Variants in DAB1 observed in about 807,000 individuals in gnomAD.
DAB1 encodes disabled homolog 1.
In DAB1, 15 loss-of-function variants were observed where a neutral mutation model predicts 64.6. The observed-to-expected ratio is 0.23, with a 90% CI of 0.16 to 0.36. The LOEUF is 0.36. DAB1 is among the 10% of genes least tolerant of loss of function. The pLI is 1.00. For synonymous variants in DAB1, 235 were observed against 251.9 expected, an observed-to-expected ratio of 0.93 and a Z score of 0.64; for missense variants, 596 against 706.7, an observed-to-expected ratio of 0.84 and a Z score of 1.78.
At chr1:57,164,604 C>T (rs1001101069) in intron 2 of DAB1, among the ~76,000 whole-genome samples, 6 of 152,114 alleles carry the variant, frequency 3.9e-5, no homozygotes, top group Non-Finnish European at 7.3e-5. Flanking sequence ...TGACCAGCAT[C>T]GTAACATGTA....
At chr1:58,317,202 A>G (rs1459078168) in intron 4 of DAB1, among the ~76,000 whole-genome samples, 1 of 152,228 alleles carries the variant, frequency 6.6e-6, no homozygotes, top group Admixed American at 6.5e-5. Flanking sequence ...TCCTCTGCCA[A>G]GAAGCCTTCC....
intron 14 of DAB1, among the ~76,000 whole-genome samples, chr1:57,002,544 G>C (rs1450544189): frequency 6.6e-6 from 1 of 152,234 alleles, no homozygotes; most frequent in Non-Finnish European, 1.5e-5. Flanking sequence ...AAGAAGAACA[G>C]AGCAAGGCTG....
chr1:57,001,670 ACT>A (rs576310365), intron 14 of DAB1, among the ~76,000 whole-genome samples: 36 of 151,586 alleles, frequency 2.4e-4, no homozygotes, highest in Admixed American at 1.8e-3. Context: ...TCCTACTGCC[ACT>A]CTCTCTCCTA....
intron 1 of DAB1, among the ~76,000 whole-genome samples, chr1:58,546,323 G>A (rs1234469808): frequency 2.0e-5 from 3 of 152,216 alleles, no homozygotes; most frequent in Non-Finnish European, 4.4e-5. Flanking sequence ...CCCCGCGGGT[G>A]AGAAACCCTG....
At chr1:58,299,532 A>G (rs1662072142) in intron 4 of DAB1, among the ~76,000 whole-genome samples, 1 of 152,230 alleles carries the variant, frequency 6.6e-6, no homozygotes, top group African/African-American at 2.4e-5. Flanking sequence ...AAATGAATAC[A>G]CATAATGCAT....
chr1:58,290,759 G>A (rs1207261181), intron 4 of DAB1, among the ~76,000 whole-genome samples: 1 of 152,074 alleles, frequency 6.6e-6, no homozygotes, highest in Non-Finnish European at 1.5e-5. Flanking sequence ...AAATAAAGGG[G>A]ACTGGACAGG....
At chr1:58,253,527 C>T (rs989598561) in intron 4 of DAB1, among the ~76,000 whole-genome samples, 11 of 152,360 alleles carry the variant, frequency 7.2e-5, no homozygotes, top group African/African-American at 2.6e-4. Flanking sequence ...CAGCTGGACC[C>T]ATCACATCAC....
intron 1 of DAB1, among the ~76,000 whole-genome samples, chr1:57,322,216 T>C (rs1318810984): frequency 2.0e-5 from 3 of 152,210 alleles, no homozygotes; most frequent in Non-Finnish European, 4.4e-5. Context: ...TTATCCACAA[T>C]GCTCACTAAA....
At chr1:57,030,379 T>C (rs1646929650) in intron 9 of DAB1, among the ~76,000 whole-genome samples, 1 of 152,230 alleles carries the variant, frequency 6.6e-6, no homozygotes, top group South Asian at 2.1e-4. Context: ...TGGCAAAGTT[T>C]AAGAAGGTTT....
In DAB1 at chr1:57,534,489, T is replaced by C. The variant is rs12566672; in HGVS notation, n.625+115103A>G. Among the ~76,000 whole-genome samples, 791 of 152,310 alleles carry C rather than the reference T, an allele frequency of 5.2e-3. 18 individuals are homozygous for C. Among genetic ancestry groups the C allele is most frequent in the East Asian group, 0.017 (90 of 5,178 alleles). On this transcript the variant is annotated intron_variant and non_coding_transcript_variant, in intron 7 of 20. Transcript: ENST00000485760. ...TTTTCAGCTCAACCCTGCTCCAGGC[T>C]GTGGGATCAATTAGGCCCTGGAGGG...
chr1:58,462,544 T>C (rs981126332), intron 3 of DAB1: 7 of 152,300 alleles, frequency 4.6e-5, no homozygotes, highest in African/African-American at 1.4e-4. Flanking sequence ...ACAATACAGG[T>C]GATTTTTTAA....
intron 3 of DAB1, among the ~76,000 whole-genome samples, chr1:58,477,239 A>G (rs1354874154): frequency 6.6e-6 from 1 of 152,218 alleles, no homozygotes; most frequent in Admixed American, 6.5e-5. Context: ...GACAAAACAA[A>G]ACAAAAAAAC....
At chr1:58,016,249 T>A (rs1646737601) in intron 5 of DAB1, among the ~76,000 whole-genome samples, 2 of 152,194 alleles carry the variant, frequency 1.3e-5, no homozygotes, top group Non-Finnish European at 2.9e-5. Flanking sequence ...CCCTTGGACA[T>A]GAAAACAGCT....
intron 5 of DAB1, among the ~76,000 whole-genome samples, chr1:57,991,745 C>G (rs1443344035): frequency 7.0e-6 from 1 of 143,436 alleles, no homozygotes; most frequent in Non-Finnish European, 1.5e-5. Context: ...ACTTGGGAGG[C>G]TGAGGCAAGA....
rs376558231 is a variant in DAB1 at position 57,084,196 on chromosome 1, A to G, written c.307-11782T>C. ...TCATACAGGGTGGCCCACTGATTCA[A>G]TATGAATGGTGTCCTTATAAAAGAA... On this transcript the variant is annotated intron_variant, in intron 4 of 14. Coordinates refer to ENST00000371236, the MANE Select transcript of DAB1 (RefSeq NM_001365792.1). 6.4e-4 allele frequency among the ~76,000 whole-genome samples: 97 copies of G among 152,354 alleles called. 4 individuals carry two copies. In the South Asian group the frequency reaches 0.02, roughly 32 times the overall value.
At chr1:57,178,513 T>C (rs1044661206) in intron 2 of DAB1, among the ~76,000 whole-genome samples, 1 of 152,182 alleles carries the variant, frequency 6.6e-6, no homozygotes, top group African/African-American at 2.4e-5. Context: ...AGCATTTACA[T>C]GAAATTTGAA....
intron 4 of DAB1, among the ~76,000 whole-genome samples, chr1:58,193,673 T>C (rs375471839): frequency 6.6e-6 from 1 of 152,014 alleles, no homozygotes; most frequent in Non-Finnish European, 1.5e-5. Flanking sequence ...CTGGGCAACA[T>C]GGTGAAACCC....
intron 1 of DAB1, among the ~76,000 whole-genome samples, chr1:57,835,659 G>C (rs931725394): frequency 2.6e-5 from 4 of 152,194 alleles, no homozygotes; most frequent in Non-Finnish European, 5.9e-5. Flanking sequence ...CCCAGCTACA[G>C]CCTGTGCAAA....
intron 3 of DAB1, chr1:58,481,133 A>G (rs1645474437): frequency 3.4e-6 from 3 of 870,420 alleles, no homozygotes; most frequent in East Asian, 2.4e-5. Flanking sequence ...GGTCTGGATT[A>G]GACAGTGGTG....
Sources: allele counts gnomAD v4.1 joint callset (sites outside exome capture counted in the v4.1 genomes callset), GRCh38; gene constraint gnomAD v4.1.1; transcripts MANE v1.5; gene names NCBI Gene and HGNC (gene_info 2026-07-23, HGNC 2026-07-21).